Variants in CAPN2 observed in about 807,000 individuals in gnomAD.
CAPN2 encodes calpain-2 catalytic subunit.
A neutral mutation model predicts 102.3 loss-of-function variants in CAPN2; 92 were observed. That is an observed-to-expected ratio of 0.90 (90% confidence interval 0.76 to 1.07). CAPN2 has a LOEUF of 1.07. Among genes scored for constraint, CAPN2 ranks in the 50% least tolerant of loss-of-function variants. The pLI, the probability that CAPN2 is intolerant of heterozygous loss-of-function variation, is 0.00. For missense variants in CAPN2, 800 were observed against 909.4 expected, an observed-to-expected ratio of 0.88 and a Z score of 1.55; for synonymous variants, 340 against 355.4, an observed-to-expected ratio of 0.96 and a Z score of 0.49.
intron 2 of CAPN2, among the ~76,000 whole-genome samples, chr1:223,743,083 G>C (rs1185934879): frequency 6.6e-6 from 1 of 152,094 alleles, no homozygotes; most frequent in African/African-American, 2.4e-5. Flanking sequence ...AATGATTGTG[G>C]TGCCTGCTGT....
In CAPN2 at chr1:223,754,578, G is replaced by A. The variant is rs969568249; in HGVS notation, c.1136-902G>A. On this transcript the variant is annotated intron_variant, in intron 9 of 20. Coordinates refer to ENST00000295006, the MANE Select transcript of CAPN2 (RefSeq NM_001748.5). The surrounding 1 kb of genome is among the most constrained non-coding windows in gnomAD (Gnocchi z 4.7). ...TAGCTGCCAACCCCTACACAAGATG[G>A]TGCCTGTAATTTCACAGTTAGGGTT... 6.6e-6 allele frequency among the ~76,000 whole-genome samples: 1 copy of A among 152,214 alleles called. No homozygotes were observed. Among genetic ancestry groups the A allele is most frequent in the Non-Finnish European group, 1.5e-5 (1 of 68,044 alleles).
chr1:223,712,438 CCCGGG>C (rs1355440411), upstream of CAPN2: 4 of 1,109,704 alleles, frequency 3.6e-6, no homozygotes, highest in African/African-American at 6.6e-5. Context: ...ATGGCCTGGT[CCCGGG>C]CCGGGAGCCC....
chr1:223,721,978 A>G (rs1230056577), intron 2 of CAPN2, among the ~76,000 whole-genome samples: 1 of 152,202 alleles, frequency 6.6e-6, no homozygotes, highest in Non-Finnish European at 1.5e-5. Flanking sequence ...CCTTTTGCCA[A>G]ATTGCCGAAG....
intron 16 of CAPN2, among the ~76,000 whole-genome samples, chr1:223,766,666 A>C (rs138493651): frequency 3.3e-5 from 5 of 152,310 alleles, no homozygotes; most frequent in East Asian, 3.9e-4. Context: ...AAGGCTTAGA[A>C]TGCAGGCCCA....
At position 223,725,504 on chromosome 1, in the gene CAPN2, G is replaced by A. The variant is rs1342247782; in HGVS notation, c.307+7673G>A. On this transcript the variant is annotated intron_variant, in intron 2 of 20. Coordinates refer to ENST00000295006, the MANE Select transcript of CAPN2 (RefSeq NM_001748.5). This position sits in a 1 kb window ranked among gnomAD's most constrained non-coding sequence, Gnocchi z 4.1. ...AAGGTTTAATCCATGCAGATTGCAC[G>A]TTCTCTTTGGGGACAGTACAGCTGG... Among the ~76,000 whole-genome samples the A allele has an allele frequency of 6.6e-6, 1 of 152,194 alleles. No individual in the cohort carries two copies. Among genetic ancestry groups the A allele is most frequent in the Non-Finnish European group, 1.5e-5 (1 of 68,044 alleles).
In CAPN2 at chr1:223,755,665, G is replaced by C. The variant is rs2102806259; in HGVS notation, c.1305+16G>C. On this transcript the variant is annotated intron_variant, in intron 10 of 20. Transcript: ENST00000295006. The surrounding 1 kb of genome is among the most constrained non-coding windows in gnomAD (Gnocchi z 4.1). Reference sequence around the variant, plus strand: ...CATCTATGAGGTGCAGAGCGCAGGGGCTCCTGCCCTCCCTTCCCCATGTGT... The same window carrying C: ...CATCTATGAGGTGCAGAGCGCAGGGCCTCCTGCCCTCCCTTCCCCATGTGT... The C allele has an allele frequency of 6.5e-7, 1 of 1,547,758 alleles. No homozygotes were observed. Among genetic ancestry groups the C allele is most frequent in the Non-Finnish European group, 8.7e-7 (1 of 1,147,238 alleles).
chr1:223,716,351 C>G (rs1388106890), intron 1 of CAPN2, among the ~76,000 whole-genome samples: 2 of 152,182 alleles, frequency 1.3e-5, no homozygotes, highest in Non-Finnish European at 2.9e-5. Flanking sequence ...TAAACAGGCT[C>G]CCAGCACCAA....
upstream of CAPN2, among the ~76,000 whole-genome samples, chr1:223,711,703 T>C (rs1420670013): frequency 6.6e-6 from 1 of 152,222 alleles, no homozygotes; most frequent in Non-Finnish European, 1.5e-5. Context: ...TTCTCCCTCC[T>C]GGGTTCAAGC....
intron 2 of CAPN2, among the ~76,000 whole-genome samples, chr1:223,739,672 G>T (rs1331133404): frequency 6.6e-6 from 1 of 152,150 alleles, no homozygotes; most frequent in Non-Finnish European, 1.5e-5. Context: ...CTGGAGAGCA[G>T]AGCCCTCCTC....
chr1:223,743,278 C>G lies in CAPN2; in HGVS notation c.308-822C>G, dbSNP rs553203357. 2.6e-5 allele frequency among the ~76,000 whole-genome samples: 4 copies of G among 152,300 alleles called. No individual in the cohort carries two copies. In the South Asian group the frequency reaches 6.2e-4, roughly 24 times the overall value. The stretch of plus-strand genomic sequence containing the variant: ...ACCCCTTGAAGTGACCTCTGCCCCT[C>G]CGCACAGAAACCCTTCGGGACAGTC... On this transcript the variant is annotated intron_variant, in intron 2 of 20. Transcript: ENST00000295006.
At chr1:223,734,705 T>C (rs1277630833) in intron 2 of CAPN2, among the ~76,000 whole-genome samples, 1 of 152,178 alleles carries the variant, frequency 6.6e-6, no homozygotes, top group African/African-American at 2.4e-5. Context: ...GCACACCATG[T>C]ACCAATCGAA....
At chr1:223,750,476 G>A (rs909675695) in intron 6 of CAPN2, among the ~76,000 whole-genome samples, 11 of 151,908 alleles carry the variant, frequency 7.2e-5, no homozygotes, top group African/African-American at 2.2e-4. Flanking sequence ...CCTTTCTGGC[G>A]ACCCACCCCA....
At chr1:223,753,139 G>A (rs28370083) in intron 9 of CAPN2, among the ~76,000 whole-genome samples, 183 bp downstream of exon 9, 1,922 of 146,664 alleles carry the variant, frequency 0.013, 20 homozygotes, top group Non-Finnish European at 0.018. Context: ...TTTTCTCCCC[G>A]AGCTCTCTTT....
chr1:223,735,756 A>AGCC (rs1333824507), intron 2 of CAPN2, among the ~76,000 whole-genome samples: 6 of 149,924 alleles, frequency 4.0e-5, no homozygotes, highest in Non-Finnish European at 5.9e-5. Context: ...CGCCCCTGCC[A>AGCC]GCCTGCCACC....
Position 223,731,818 on chromosome 1 carries a change from C to T in CAPN2, c.308-12282C>T, listed in dbSNP as rs971201203. ...GAAGGCATCTGGGAGTCTGGGCTGC[C>T]CCGTAGCAGCTCTGTGTTCTGCCTG... On this transcript the variant is annotated intron_variant, in intron 2 of 20. Transcript: ENST00000295006. The surrounding 1 kb of genome is among the most constrained non-coding windows in gnomAD (Gnocchi z 4.2). Among the ~76,000 whole-genome samples, 1 of 152,208 alleles carries T rather than the reference C, an allele frequency of 6.6e-6. No homozygotes were observed. Among genetic ancestry groups the T allele is most frequent in the African/African-American group, 2.4e-5 (1 of 41,462 alleles).
chr1:223,765,038 G>C (rs557750392), intron 15 of CAPN2, among the ~76,000 whole-genome samples: 1 of 152,252 alleles, frequency 6.6e-6, no homozygotes, highest in Admixed American at 6.5e-5. Context: ...CGCTGCATTT[G>C]TTAAGAGAGC....
At chr1:223,751,021 G>C in intron 7 of CAPN2, 46 bp downstream of exon 7, 1 of 1,429,594 alleles carries the variant, frequency 7.0e-7, no homozygotes, top group African/African-American at 1.4e-5. Context: ...GGTGCATTGT[G>C]CTGGGAGGCT....
intron 6 of CAPN2, among the ~76,000 whole-genome samples, chr1:223,750,373 T>A (rs868793252): frequency 2.6e-5 from 4 of 152,236 alleles, no homozygotes; most frequent in African/African-American, 7.2e-5. Context: ...ACATAATTCC[T>A]CTACTGTTGC....
At chr1:223,753,835 TGA>T (rs1660965392) in intron 9 of CAPN2, among the ~76,000 whole-genome samples, 1 of 152,208 alleles carries the variant, frequency 6.6e-6, no homozygotes, top group Admixed American at 6.5e-5. Context: ...GAAACAGAAA[TGA>T]GTTTTGTCAT....
Sources: gnomAD v4.1 joint callset for allele counts (sites outside exome capture counted in the v4.1 genomes callset) on GRCh38, gnomAD v4.1.1 for gene constraint, Gnocchi (gnomAD v3.1) non-coding constraint, MANE v1.5 for transcripts, NCBI Gene and HGNC (gene_info 2026-07-23, HGNC 2026-07-21) for gene names.